SYCP2: variants seen among roughly 807,000 people sequenced by gnomAD.
SYCP2 encodes the protein synaptonemal complex protein 2, also known as synaptonemal complex lateral element protein.
Under a neutral mutation model 211.3 loss-of-function variants are expected in SYCP2, and 55 were observed. The ratio of observed to expected loss-of-function variants is 0.26; its 90% CI spans 0.21 to 0.33. The LOEUF (loss-of-function observed/expected upper bound fraction) is 0.33. SYCP2 is among the 10% of genes least tolerant of loss of function. The pLI is 1.00. For synonymous variants in SYCP2, 570 were observed against 555.2 expected (o/e 1.03, Z -0.37); for missense variants, 1,731 against 1,752.0 (o/e 0.99, Z 0.21).
intron 1 of SYCP2, among the ~76,000 whole-genome samples, chr20:59,932,501 A>C (rs1340359335): frequency 6.6e-6 from 1 of 151,528 alleles, no homozygotes; most frequent in Middle Eastern, 3.2e-3. Context: ...CATGGAGAAA[A>C]CCCGTCTCTA....
chr20:59,880,116 T>A (rs553796043), intron 31 of SYCP2, among the ~76,000 whole-genome samples, 187 bp downstream of exon 31: 1 of 151,378 alleles, frequency 6.6e-6, no homozygotes, highest in Non-Finnish European at 1.5e-5. Flanking sequence ...CCTAAGGTCC[T>A]ATTAAAAATA....
chr20:59,881,420 C>G lies in SYCP2; in HGVS notation c.2714+17G>C. On this transcript the variant is annotated intron_variant, in intron 29 of 44. Transcript: ENST00000357552. ...AAAAAAAAGATCAGAATATTTTAAT[C>G]TAATAAAAATACCTACAATCTAATT... 7.4e-7 allele frequency: 1 copy of G among 1,359,066 alleles called. No homozygotes were observed. 84.2% of individuals were successfully genotyped at this position (1,359,066 alleles called of 1,614,324 possible). A position where few individuals can be genotyped will look rare whatever the true frequency, so the allele number is the denominator to read the frequency against.
intron 41 of SYCP2, 42 bp from the exon 42 acceptor site, chr20:59,865,907 A>G: frequency 1.1e-6 from 1 of 888,538 alleles, no homozygotes; most frequent in Admixed American, 2.8e-5. Context: ...TAAATATTTT[A>G]GTCCTAAAAT....
At chr20:59,910,371 C>CTTTTTTTTTTTTTTTTTTTTTTTTTT (rs1300245848) in intron 14 of SYCP2, among the ~76,000 whole-genome samples, 1 of 119,198 alleles carries the variant, frequency 8.4e-6, no homozygotes, top group Non-Finnish European at 1.6e-5. Flanking sequence ...AGTGTAATTG[C>CTTTTTTTTTTTTTTTTTTTTTTTTTT]TTATTTTTTT....
chr20:59,877,910 C>T (rs960291854), intron 32 of SYCP2, 98 bp downstream of exon 32: 65 of 968,886 alleles, frequency 6.7e-5, no homozygotes, highest in Non-Finnish European at 9.5e-5. Flanking sequence ...AAACACATAA[C>T]TGATAACAAG....
chr20:59,878,497 G>A (rs1349713178), intron 31 of SYCP2, among the ~76,000 whole-genome samples: 2 of 152,052 alleles, frequency 1.3e-5, no homozygotes, highest in Admixed American at 1.3e-4. Flanking sequence ...GTCAGCATAA[G>A]TTAAAAAGTT....
Position 59,869,772 on chromosome 20 carries a change from T to G in SYCP2, c.3741+26A>C. ...AAGAACCATCTTAGTGTAAGGAAAATTTATAAGTTATAGTCCCACACTTAC... is the reference window on the plus strand; with the variant it reads ...AAGAACCATCTTAGTGTAAGGAAAAGTTATAAGTTATAGTCCCACACTTAC... On this transcript the variant is annotated intron_variant, in intron 36 of 44. Coordinates refer to ENST00000357552, the MANE Select transcript of SYCP2 (RefSeq NM_014258.4). The G allele has an allele frequency of 2.0e-6, 3 of 1,469,972 alleles. No homozygotes were observed. In the Admixed American group the frequency reaches 5.4e-5, roughly 27 times the overall value. 91.1% of individuals were successfully genotyped at this position (1,469,972 alleles called of 1,614,324 possible). A position where few individuals can be genotyped will look rare whatever the true frequency, so the allele number is the denominator to read the frequency against.
chr20:59,927,298 C>G (rs141796078), intron 2 of SYCP2, among the ~76,000 whole-genome samples: 81 of 152,200 alleles, frequency 5.3e-4, no homozygotes, highest in African/African-American at 1.9e-3. Flanking sequence ...ATGTTCAAAA[C>G]AGAAAATCTT....
In SYCP2 at chr20:59,868,507, A is replaced by G; in HGVS notation, c.3894T>C (p.Asn1298=). 6.2e-7 allele frequency: 1 copy of G among 1,611,040 alleles called. No individual in the cohort carries two copies. The highest frequency in any genetic ancestry group is 1.1e-5 in the South Asian group (1 of 90,916). Residue 1298 remains asparagine (N), a synonymous_variant, in exon 38 of 45, where the codon AAT becomes AAC. Coordinates refer to ENST00000357552, the MANE Select transcript of SYCP2 (RefSeq NM_014258.4). ...IYIEDNLSNS[N]EVEMEEKGER... ...CTCCTTTCTCTTCCATTTCTACTTCATTGGAATTACTTAGATTATCTTCTA... is the reference window on the plus strand; with the variant it reads ...CTCCTTTCTCTTCCATTTCTACTTCGTTGGAATTACTTAGATTATCTTCTA...
At position 59,915,542 on chromosome 20, in the gene SYCP2, T is replaced by C. The variant is rs767115097; in HGVS notation, c.522A>G (p.Lys174=). 2.5e-6 allele frequency: 4 copies of C among 1,598,712 alleles called. No individual in the cohort carries two copies. Among genetic ancestry groups the C allele is most frequent in the Non-Finnish European group, 3.4e-6 (4 of 1,166,858 alleles). Reference sequence around the variant, plus strand: ...TTTTGTCAAGCATAGCATTCATTTTTTTTATAATCTAGAAAAGAAAAAAAG... The same window carrying C: ...TTTTGTCAAGCATAGCATTCATTTTCTTTATAATCTAGAAAAGAAAAAAAG... ...VNICIQQEII[K]KMNAMLDKMP... Residue 174 remains lysine, a synonymous_variant, in exon 9 of 45, where the codon AAA becomes AAG. Transcript: ENST00000357552.
chr20:59,901,818 G>A lies in SYCP2; in HGVS notation c.1034-8C>T. The A allele has an allele frequency of 1.3e-6, 2 of 1,569,682 alleles. No individual in the cohort carries two copies. On this transcript the variant is annotated splice_polypyrimidine_tract_variant and splice_region_variant and intron_variant, in intron 15 of 44. Transcript: ENST00000357552. ...GCTTCTTTGATTCTCTCACTGTATA[G>A]AAACAACACTGATTAGTTTACGTTT...
In SYCP2 at chr20:59,911,861, T is replaced by A. The variant is rs74874725; in HGVS notation, c.877-16A>T. On this transcript the variant is annotated splice_polypyrimidine_tract_variant and intron_variant, in intron 13 of 44. Transcript: ENST00000357552. The stretch of plus-strand genomic sequence containing the variant: ...GTATTTGCAGCTAATAAAATAAACA[T>A]ACAAAACTGGAATATACAATGATTT... The A allele has an allele frequency of 7.5e-7, 1 of 1,342,146 alleles. No homozygotes were observed. The highest frequency in any genetic ancestry group is 2.4e-5 in the East Asian group (1 of 42,376). The allele number at this position is 1,342,146 out of a possible 1,614,324, so 83.1% of individuals were successfully genotyped here. A position where few individuals can be genotyped will look rare whatever the true frequency, so the allele number is the denominator to read the frequency against.
rs2059507717 is a variant in SYCP2 at position 59,874,080 on chromosome 20, AAAAAG to A, written c.3350-24_3350-20del. On this transcript the variant is annotated intron_variant, in intron 34 of 44. Coordinates refer to ENST00000357552, the MANE Select transcript of SYCP2 (RefSeq NM_014258.4). The stretch of plus-strand genomic sequence containing the variant: ...TCTATACCTATATTGCATCAAAATA[AAAAAG>A]AAAATAGATGGCAAGCGTTATCATT... 1.4e-6 allele frequency: 2 copies of A among 1,416,170 alleles called. No homozygotes were observed. Among genetic ancestry groups the A allele is most frequent in the African/African-American group, 1.4e-5 (1 of 69,044 alleles). 87.7% of individuals were successfully genotyped at this position (1,416,170 alleles called of 1,614,324 possible). A position where few individuals can be genotyped will look rare whatever the true frequency, so the allele number is the denominator to read the frequency against.
Position 59,919,474 on chromosome 20 carries a change from T to G in SYCP2, c.402+19A>C, listed in dbSNP as rs1187582707. ...AACACATGCTTTATAAATATCAGTG[T>G]AATCAATGTGATTTTTACCAGCAGA... On this transcript the variant is annotated intron_variant, in intron 6 of 44. Transcript: ENST00000357552. 1.4e-6 allele frequency: 2 copies of G among 1,458,776 alleles called. No homozygotes were observed. The highest frequency in any genetic ancestry group is 2.8e-5 in the African/African-American group (2 of 71,400). 90.4% of individuals were successfully genotyped at this position (1,458,776 alleles called of 1,614,324 possible).
At chr20:59,874,802 G>T (rs1317128164) in intron 34 of SYCP2, among the ~76,000 whole-genome samples, 1 of 151,914 alleles carries the variant, frequency 6.6e-6, no homozygotes, top group Non-Finnish European at 1.5e-5. Context: ...TTTTTCTTTA[G>T]CAATCATTTA....
rs1298579739 is a variant in SYCP2, at chr20:59,879,842, TATATATATATATATATATATACAC to T, written c.2941+437_2941+460del. On this transcript the variant is annotated intron_variant, in intron 31 of 44. Transcript: ENST00000357552. ...AAATAAATATATATATATATATATA[TATATATATATATATATATATACAC>T]ACACACACACACAAACATATAAATA... 2.8e-3 allele frequency among the ~76,000 whole-genome samples: 354 copies of T among 125,940 alleles called. 3 individuals are homozygous for T. Among genetic ancestry groups the T allele is most frequent in the African/African-American group, 0.012 (339 of 27,156 alleles). 82.6% of individuals were successfully genotyped at this position (125,940 alleles called of 152,430 possible).
chr20:59,885,309 G>C (rs2059764297), intron 26 of SYCP2, among the ~76,000 whole-genome samples: 2 of 152,088 alleles, frequency 1.3e-5, no homozygotes, highest in Non-Finnish European at 2.9e-5. Context: ...TAGTGAATGT[G>C]ATGTAAGGAT....
chr20:59,878,445 CTCCTT>C (rs2059602784), intron 31 of SYCP2, among the ~76,000 whole-genome samples: 2 of 152,098 alleles, frequency 1.3e-5, no homozygotes, highest in Non-Finnish European at 1.5e-5. Flanking sequence ...TTTCCTCCCT[CTCCTT>C]TATTTTATAG....
intron 14 of SYCP2, among the ~76,000 whole-genome samples, chr20:59,909,650 A>C (rs1196170680): frequency 3.3e-5 from 5 of 152,122 alleles, no homozygotes; most frequent in Non-Finnish European, 7.4e-5. Flanking sequence ...TTGGCTCCAC[A>C]CTTCCTATAT....
Sources: gnomAD v4.1 joint callset for allele counts (sites outside exome capture counted in the v4.1 genomes callset) on GRCh38, gnomAD v4.1.1 for gene constraint, MANE v1.5 for transcripts, NCBI Gene and HGNC (gene_info 2026-07-23, HGNC 2026-07-21) for gene names.